The following CDK19 variants were observed in gnomAD, a reference collection of about 807,000 sequenced individuals.
The protein encoded by CDK19 is cyclin-dependent kinase 19.
Under a neutral mutation model 68.3 loss-of-function variants are expected in CDK19, and 20 were observed. The observed-to-expected ratio is 0.29, with a 90% CI of 0.21 to 0.43. The LOEUF (loss-of-function observed/expected upper bound fraction) is 0.43, where lower values mean the gene tolerates loss of function less well. Ranked by LOEUF, CDK19 falls within the 20% of genes least tolerant of loss-of-function variation. CDK19 has a pLI of 1.00. For synonymous variants in CDK19, 221 were observed against 222.8 expected, an observed-to-expected ratio of 0.99 and a Z score of 0.07; for missense variants, 339 against 623.5, an observed-to-expected ratio of 0.54 and a Z score of 4.86.
At chr6:110,779,336 C>T (rs1159695456) in intron 1 of CDK19, among the ~76,000 whole-genome samples, 2 of 152,184 alleles carry the variant, frequency 1.3e-5, no homozygotes, top group Non-Finnish European at 2.9e-5. Flanking sequence ...AAAAAGCTTT[C>T]CTGCTGCACT....
chr6:110,650,755 G>C (rs111687267), intron 4 of CDK19, among the ~76,000 whole-genome samples: 1 of 152,030 alleles, frequency 6.6e-6, no homozygotes, highest in Admixed American at 6.5e-5. Context: ...AGAATAGAAC[G>C]GGTCAGGAAA....
chr6:110,738,445 G>A (rs1777412145), intron 2 of CDK19, among the ~76,000 whole-genome samples: 1 of 152,064 alleles, frequency 6.6e-6, no homozygotes, highest in South Asian at 2.1e-4. Flanking sequence ...ACTTGAACCT[G>A]GGAGGCGGAG....
chr6:110,795,724 T>C (rs1447177009), intron 1 of CDK19, among the ~76,000 whole-genome samples: 1 of 152,186 alleles, frequency 6.6e-6, no homozygotes, highest in African/African-American at 2.4e-5. Context: ...CAGCTATTAG[T>C]ATTACACATA....
Position 110,688,337 on chromosome 6 carries a change from C to CTATA in CDK19, c.205-17800_205-17797dup, listed in dbSNP as rs201328968. Among the ~76,000 whole-genome samples, 384 of 149,850 alleles carry CTATA rather than the reference C, an allele frequency of 2.6e-3. 1 individual carries two copies. Among genetic ancestry groups the CTATA allele is most frequent in the South Asian group, 0.021 (101 of 4,762 alleles). ...ACTCCATGTCCAAAAAAACAAAAAA[C>CTATA]TATATATATATATATAAAATGCAGG... On this transcript the variant is annotated intron_variant, in intron 2 of 12. Transcript: ENST00000368911.
At chr6:110,791,380 T>A (rs1052577080) in intron 1 of CDK19, among the ~76,000 whole-genome samples, 7 of 152,000 alleles carry the variant, frequency 4.6e-5, no homozygotes, top group African/African-American at 7.2e-5. Context: ...ATTAAAGATA[T>A]TATTGATGGA....
intron 4 of CDK19, among the ~76,000 whole-genome samples, chr6:110,641,393 T>G (rs1395871517): frequency 6.6e-6 from 1 of 151,740 alleles, no homozygotes; most frequent in African/African-American, 2.4e-5. Context: ...GGTCAGGAGT[T>G]CAAGACCGGC....
At chr6:110,781,484 C>G (rs961418768) in intron 1 of CDK19, among the ~76,000 whole-genome samples, 3 of 152,088 alleles carry the variant, frequency 2.0e-5, no homozygotes, top group Non-Finnish European at 4.4e-5. Flanking sequence ...GGACAAATAT[C>G]CAAACTATAT....
intron 2 of CDK19, among the ~76,000 whole-genome samples, chr6:110,741,509 A>G (rs1777666604): frequency 2.6e-5 from 4 of 152,076 alleles, no homozygotes; most frequent in Admixed American, 1.3e-4. Context: ...ATGATGGCTG[A>G]AAACTTTTCA....
At chr6:110,741,129 G>A (rs1777629493) in intron 2 of CDK19, among the ~76,000 whole-genome samples, 1 of 151,970 alleles carries the variant, frequency 6.6e-6, no homozygotes, top group South Asian at 2.1e-4. Context: ...TAAGAGAAGA[G>A]AGAAAGGAAA....
chr6:110,815,233 G>A lies in CDK19; in HGVS notation c.-97C>T. On this transcript the variant is annotated 5_prime_UTR_variant, in exon 1 of 13. Transcript: ENST00000368911. ...CGACCGCCGCTCCACTTCTCCAACA[G>A]CCGCCTCTCGCGCGCGCGCGCGCGC... The A allele has an allele frequency of 1.7e-6, 2 of 1,172,008 alleles. No homozygotes were observed. The highest frequency in any genetic ancestry group is 3.4e-4 in the Middle Eastern group (1 of 2,922). The allele number at this position is 1,172,008 out of a possible 1,614,324, so 72.6% of individuals were successfully genotyped here. A position where few individuals can be genotyped will look rare whatever the true frequency, so the allele number is the denominator to read the frequency against.
In CDK19 at chr6:110,622,801, G is replaced by C; in HGVS notation, c.1031+14C>G. The C allele has an allele frequency of 6.5e-7, 1 of 1,528,226 alleles. No homozygotes were observed. The highest frequency in any genetic ancestry group is 9.1e-7 in the Non-Finnish European group (1 of 1,101,534). The allele number at this position is 1,528,226 out of a possible 1,614,324, so 94.7% of individuals were successfully genotyped here. A position where few individuals can be genotyped will look rare whatever the true frequency, so the allele number is the denominator to read the frequency against. ...AGCCTGGAGCAAAGGACACAGAAAA[G>C]ACAGGATACATACTCTAATGTTGGC... is the stretch of plus-strand genomic sequence containing the variant. On this transcript the variant is annotated intron_variant, in intron 10 of 12. Transcript: ENST00000368911.
chr6:110,610,739 TAG>T lies in CDK19; in HGVS notation c.*3794_*3795del, dbSNP rs1211855833. 4 of 152,210 alleles carry T rather than the reference TAG, an allele frequency of 2.6e-5. No individual in the cohort carries two copies. The highest frequency in any genetic ancestry group is 9.7e-5 in the African/African-American group (4 of 41,450). 9.4% of individuals were successfully genotyped at this position (152,210 alleles called of 1,614,324 possible). On this transcript the variant is annotated 3_prime_UTR_variant, in exon 13 of 13. Coordinates refer to ENST00000368911, the MANE Select transcript of CDK19 (RefSeq NM_015076.5). ...TCTACTCCCTAGGAAGACATCATCA[TAG>T]AGTTTTGGATTTGTAATTTCCATAG...
In CDK19 at chr6:110,815,249, G is replaced by C. The variant is rs1255205672; in HGVS notation, c.-113C>G. The C allele has an allele frequency of 8.2e-6, 10 of 1,220,140 alleles. No homozygotes were observed. The highest frequency in any genetic ancestry group is 1.0e-5 in the Non-Finnish European group (10 of 962,342). The allele number at this position is 1,220,140 out of a possible 1,614,324, so 75.6% of individuals were successfully genotyped here. ...TCTCCAACAGCCGCCTCTCGCGCGC[G>C]CGCGCGCGCCGCCCGCCGCCCGCCG... On this transcript the variant is annotated 5_prime_UTR_variant, in exon 1 of 13. Coordinates refer to ENST00000368911, the MANE Select transcript of CDK19 (RefSeq NM_015076.5).
chr6:110,708,548 T>A lies in CDK19; in HGVS notation c.204+37578A>T, dbSNP rs781607060. ...GCCTGCATATGTTACTAGGTTTGTATGGAAGGGCAGGCTCTCCGACCAACC... is the reference window on the plus strand; with the variant it reads ...GCCTGCATATGTTACTAGGTTTGTAAGGAAGGGCAGGCTCTCCGACCAACC... On this transcript the variant is annotated intron_variant, in intron 2 of 12. Coordinates refer to ENST00000368911, the MANE Select transcript of CDK19 (RefSeq NM_015076.5). 3.9e-4 allele frequency among the ~76,000 whole-genome samples: 59 copies of A among 152,320 alleles called. 1 individual carries two copies. The highest frequency in any genetic ancestry group is 2.9e-4 in the Non-Finnish European group (20 of 68,026).
intron 4 of CDK19, among the ~76,000 whole-genome samples, chr6:110,654,562 A>G (rs2114295256): frequency 6.6e-6 from 1 of 152,336 alleles, no homozygotes. Flanking sequence ...TAAGTGAATG[A>G]GCTAAATTGC....
intron 1 of CDK19, among the ~76,000 whole-genome samples, chr6:110,772,221 G>T (rs1434356213): frequency 2.0e-5 from 3 of 152,108 alleles, no homozygotes; most frequent in Non-Finnish European, 4.4e-5. Flanking sequence ...CCACACGGCT[G>T]GGGAGGCCTC....
In CDK19 at chr6:110,746,064, T is replaced by A. The variant is rs976919069; in HGVS notation, c.204+62A>T. ...TATATATATTAATGAAACTTTTATA[T>A]TAAAATAAATCATCACCCAATATCA... On this transcript the variant is annotated intron_variant, in intron 2 of 12. Coordinates refer to ENST00000368911, the MANE Select transcript of CDK19 (RefSeq NM_015076.5). The A allele has an allele frequency of 3.7e-6, 3 of 813,084 alleles. No homozygotes were observed. The African/African-American group carries it at 5.4e-5, about 15-fold the overall frequency. 50.4% of individuals were successfully genotyped at this position (813,084 alleles called of 1,614,324 possible).
chr6:110,754,205 T>C (rs1778679012), intron 1 of CDK19, among the ~76,000 whole-genome samples: 1 of 151,054 alleles, frequency 6.6e-6, no homozygotes, highest in Admixed American at 6.6e-5. Flanking sequence ...AATTATTTAT[T>C]TTTTACTTTT....
intron 4 of CDK19, among the ~76,000 whole-genome samples, chr6:110,650,163 T>C (rs1285839677): frequency 6.6e-6 from 1 of 152,210 alleles, no homozygotes; most frequent in Non-Finnish European, 1.5e-5. Context: ...TGCCATTTCA[T>C]AAAGCTTAAA....
Sources: allele counts gnomAD v4.1 joint callset (sites outside exome capture counted in the v4.1 genomes callset), GRCh38; gene constraint gnomAD v4.1.1; transcripts MANE v1.5; gene names NCBI Gene and HGNC (gene_info 2026-07-23, HGNC 2026-07-21).